Variants in IQCF1 observed in about 807,000 individuals in gnomAD.
The protein encoded by IQCF1 is IQ motif containing F1.
Under a neutral mutation model 12.5 loss-of-function variants are expected in IQCF1, and 9 were observed. That is an observed-to-expected ratio of 0.72 (90% CI 0.43 to 1.26). The LOEUF (loss-of-function observed/expected upper bound fraction) is 1.26, where lower values mean the gene tolerates loss of function less well. IQCF1 is among the 50% of genes most tolerant of loss of function. The pLI, the probability that IQCF1 is intolerant of heterozygous loss-of-function variation, is 0.00. For synonymous variants in IQCF1, 67 were observed against 96.2 expected (o/e 0.70, Z 1.78); for missense variants, 252 against 257.4 (o/e 0.98, Z 0.14).
rs117287034 is a variant in IQCF1, at chr3:51,898,451, G to A, written c.109-1557C>T. ...AAAGCACTGAGGCCACTGACAACCC[G>A]TAGCCTTCATAACAAAAAAATCCTT... On this transcript the variant is annotated intron_variant, in intron 2 of 3. Coordinates refer to ENST00000310914, the MANE Select transcript of IQCF1 (RefSeq NM_152397.3). 1.5e-3 allele frequency among the ~76,000 whole-genome samples: 221 copies of A among 152,340 alleles called. 1 individual carries two copies. The East Asian group carries it at 0.032, about 22-fold the overall frequency.
At chr3:51,898,997 T>C (rs1380201965) in intron 2 of IQCF1, among the ~76,000 whole-genome samples, 1 of 152,270 alleles carries the variant, frequency 6.6e-6, no homozygotes, top group Non-Finnish European at 1.5e-5. Flanking sequence ...TAAGTTAATA[T>C]GGACTGAACA....
At chr3:51,896,689 A>G in intron 3 of IQCF1, 143 bp downstream of exon 3, 1 of 630,078 alleles carries the variant, frequency 1.6e-6, no homozygotes. Flanking sequence ...AAGCTCAAAC[A>G]CGCGCGCACA....
chr3:51,899,654 C>G (rs79581280), intron 2 of IQCF1, among the ~76,000 whole-genome samples: 1 of 152,150 alleles, frequency 6.6e-6, no homozygotes, highest in African/African-American at 2.4e-5. Flanking sequence ...TTTCTGTGAA[C>G]TGGACATTAA....
At chr3:51,898,777 C>T (rs1331101244) in intron 2 of IQCF1, among the ~76,000 whole-genome samples, 2 of 152,196 alleles carry the variant, frequency 1.3e-5, no homozygotes, top group East Asian at 3.8e-4. Context: ...AAGGTCCAAC[C>T]AGACCTACGA....
chr3:51,895,971 A>C lies in IQCF1; in HGVS notation c.172-635T>G, dbSNP rs922525130. ...TAACATTACCAGACAAGGAAGAAAAATATTTTATCCCAAAACATGTTTCTC... is the reference window on the plus strand; with the variant it reads ...TAACATTACCAGACAAGGAAGAAAACTATTTTATCCCAAAACATGTTTCTC... On this transcript the variant is annotated intron_variant, in intron 3 of 3. Coordinates refer to ENST00000310914, the MANE Select transcript of IQCF1 (RefSeq NM_152397.3). The surrounding 1 kb of genome is among the most constrained non-coding windows in gnomAD (Gnocchi z 4.8). Among the ~76,000 whole-genome samples, 2 of 152,218 alleles carry C rather than the reference A, an allele frequency of 1.3e-5. No homozygotes were observed. Among genetic ancestry groups the C allele is most frequent in the African/African-American group, 4.8e-5 (2 of 41,452 alleles).
intron 3 of IQCF1, among the ~76,000 whole-genome samples, chr3:51,896,282 T>C (rs1699001425): frequency 6.6e-6 from 1 of 152,194 alleles, no homozygotes; most frequent in Non-Finnish European, 1.5e-5. Context: ...TCAAAAGATG[T>C]ATAAATTCAC....
intron 2 of IQCF1, among the ~76,000 whole-genome samples, chr3:51,897,569 C>CGCAACGCGAGCTCTCA (rs1699024386): frequency 6.6e-6 from 1 of 152,184 alleles, no homozygotes. Context: ...TGAGGAATAA[C>CGCAACGCGAGCTCTCA]GCAACGCGAG....
At chr3:51,902,474 C>G (rs948321909) in intron 2 of IQCF1, among the ~76,000 whole-genome samples, 7 of 152,152 alleles carry the variant, frequency 4.6e-5, no homozygotes, top group African/African-American at 1.2e-4. Context: ...GTAAAGCAAC[C>G]TTTTTCAATT....
Position 51,900,473 on chromosome 3 carries a change from C to T in IQCF1, c.108+2512G>A, listed in dbSNP as rs1472373903. On this transcript the variant is annotated intron_variant, in intron 2 of 3. Transcript: ENST00000310914. The surrounding 1 kb of genome is among the most constrained non-coding windows in gnomAD (Gnocchi z 4.2). ...TGCATTTGATGCTTGCCTTGTTATACCCTGTGGGGACTTGCCAAGTCAAAG... is the reference window on the plus strand; with the variant it reads ...TGCATTTGATGCTTGCCTTGTTATATCCTGTGGGGACTTGCCAAGTCAAAG... Among the ~76,000 whole-genome samples the T allele has an allele frequency of 6.6e-6, 1 of 152,136 alleles. No individual in the cohort carries two copies. Among genetic ancestry groups the T allele is most frequent in the Admixed American group, 6.5e-5 (1 of 15,276 alleles).
intron 2 of IQCF1, chr3:51,902,690 G>A (rs1699090845): frequency 2.8e-6 from 1 of 357,024 alleles, no homozygotes. Context: ...TTTAGCCTGT[G>A]TGGTCTAACC....
chr3:51,899,072 T>C (rs1294285920), intron 2 of IQCF1, among the ~76,000 whole-genome samples: 2 of 152,158 alleles, frequency 1.3e-5, no homozygotes, highest in Non-Finnish European at 2.9e-5. Context: ...AAAAGTAAAG[T>C]TGGCTGAAAG....
rs1269997893 is a variant in IQCF1 at position 51,895,875 on chromosome 3, C to T, written c.172-539G>A. Among the ~76,000 whole-genome samples the T allele has an allele frequency of 2.6e-5, 4 of 152,210 alleles. No homozygotes were observed. Among genetic ancestry groups the T allele is most frequent in the African/African-American group, 9.6e-5 (4 of 41,454 alleles). On this transcript the variant is annotated intron_variant, in intron 3 of 3. Transcript: ENST00000310914. The surrounding 1 kb of genome is among the most constrained non-coding windows in gnomAD (Gnocchi z 4.8). ...GTCTGGGGAGTCATGCCCCACAAATCATAACTTCTCATCAGATGGGTTTTA... is the reference window on the plus strand; with the variant it reads ...GTCTGGGGAGTCATGCCCCACAAATTATAACTTCTCATCAGATGGGTTTTA...
At chr3:51,896,755 A>T in intron 3 of IQCF1, 77 bp downstream of exon 3, 3 of 1,115,640 alleles carry the variant, frequency 2.7e-6, no homozygotes, top group Non-Finnish European at 4.1e-6. Context: ...CCAGCTTCCC[A>T]TATCATGGTC....
chr3:51,896,035 T>G (rs1050377555), intron 3 of IQCF1, among the ~76,000 whole-genome samples: 8 of 152,234 alleles, frequency 5.3e-5, no homozygotes, highest in African/African-American at 1.9e-4. Flanking sequence ...CTGTTCTTTG[T>G]GGAGGAAAAT....
chr3:51,902,750 T>C (rs140761768), intron 2 of IQCF1: 3 of 487,366 alleles, frequency 6.2e-6, no homozygotes, highest in East Asian at 4.2e-5. Context: ...GCATCAGGGA[T>C]AAGAACCCCT....
chr3:51,902,717 T>C, intron 2 of IQCF1: 2 of 414,036 alleles, frequency 4.8e-6, no homozygotes, highest in Non-Finnish European at 9.0e-6. Flanking sequence ...AATAGGGGAA[T>C]GACACAGCAG....
chr3:51,896,513 A>G (rs1191553234), intron 3 of IQCF1, among the ~76,000 whole-genome samples: 1 of 152,158 alleles, frequency 6.6e-6, no homozygotes, highest in African/African-American at 2.4e-5. Context: ...CTCAGAATAA[A>G]TCTCTTCAAA....
At chr3:51,896,476 T>A in intron 3 of IQCF1, among the ~76,000 whole-genome samples, 1 of 152,214 alleles carries the variant, frequency 6.6e-6, no homozygotes, top group East Asian at 1.9e-4. Context: ...GAGGGCTGTG[T>A]CATGGACCAT....
intron 2 of IQCF1, chr3:51,902,767 C>G (rs1699093910): frequency 1.9e-6 from 1 of 533,408 alleles, no homozygotes; most frequent in South Asian, 1.9e-5. Flanking sequence ...CCCTTCCCCT[C>G]CCTTGTCCAA....
Sources: allele counts gnomAD v4.1 joint callset (sites outside exome capture counted in the v4.1 genomes callset), GRCh38; gene constraint gnomAD v4.1.1; non-coding constraint Gnocchi (gnomAD v3.1); transcripts MANE v1.5; gene names NCBI Gene and HGNC (gene_info 2026-07-23, HGNC 2026-07-21).